Variants in VRK2 observed in about 807,000 individuals in gnomAD.
VRK2 encodes serine/threonine-protein kinase VRK2.
Under a neutral mutation model 57.6 loss-of-function variants are expected in VRK2, and 60 were observed. The ratio of observed to expected loss-of-function variants is 1.04; its 90% CI spans 0.85 to 1.29. The LOEUF (loss-of-function observed/expected upper bound fraction) is 1.29, where lower values mean the gene tolerates loss of function less well. Among genes scored for constraint, VRK2 ranks in the 50% most tolerant of loss-of-function variants. The pLI is 0.00. For synonymous variants in VRK2, 231 were observed against 199.2 expected (o/e 1.16, Z -1.35); for missense variants, 705 against 588.1 (o/e 1.20, Z -2.06).
At chr2:58,058,377 A>G (rs1471073778) in intron 2 of VRK2, 2 of 470,640 alleles carry the variant, frequency 4.2e-6, no homozygotes, top group Non-Finnish European at 8.8e-6. Context: ...TTCTCTCTCC[A>G]ATGCTTAGTG....
At chr2:58,041,962 C>T (rs1674475028), upstream of VRK2, among the ~76,000 whole-genome samples, 1 of 152,016 alleles carries the variant, frequency 6.6e-6, no homozygotes, top group African/African-American at 2.4e-5. Context: ...AACCAATGTA[C>T]ATTTTACAAG....
intron 12 of VRK2, among the ~76,000 whole-genome samples, chr2:58,157,526 C>T (rs575957094): frequency 6.6e-6 from 1 of 152,264 alleles, no homozygotes; most frequent in Non-Finnish European, 1.5e-5. Flanking sequence ...GGCTGAGAAC[C>T]AATGCTCTAT....
chr2:58,060,972 T>G (rs1271814588), intron 2 of VRK2, among the ~76,000 whole-genome samples: 1 of 151,888 alleles, frequency 6.6e-6, no homozygotes, highest in Non-Finnish European at 1.5e-5. Context: ...CTTAATAGAT[T>G]ATCGCTAAAA....
intron 7 of VRK2, among the ~76,000 whole-genome samples, chr2:58,113,558 A>G (rs1037899449): frequency 9.2e-5 from 14 of 151,996 alleles, no homozygotes; most frequent in African/African-American, 1.4e-4. Context: ...TAGGGGTGGG[A>G]CCGTTTTATA....
chr2:58,020,174 G>T (rs1673707181), intron 1 of VRK2, among the ~76,000 whole-genome samples: 1 of 152,162 alleles, frequency 6.6e-6, no homozygotes, highest in African/African-American at 2.4e-5. Context: ...AAAACAAAAG[G>T]ATAGTTTATT....
chr2:58,058,525 A>T (rs373980869), intron 2 of VRK2: 2 of 395,734 alleles, frequency 5.1e-6, no homozygotes. Flanking sequence ...TCTTAGACAT[A>T]ATGTTACCAA....
intron 1 of VRK2, chr2:58,047,137 A>G (rs1417526721): frequency 2.8e-6 from 1 of 352,412 alleles, no homozygotes. Flanking sequence ...AAGTGGGTGG[A>G]GTTTCTCTTT....
chr2:58,086,537 CA>C, intron 5 of VRK2, 111 bp downstream of exon 5: 2 of 886,422 alleles, frequency 2.3e-6, no homozygotes, highest in Non-Finnish European at 3.4e-6. Flanking sequence ...CATATAACCA[CA>C]AACTTGTATT....
intron 12 of VRK2, among the ~76,000 whole-genome samples, chr2:58,152,993 AACC>A (rs539966823): frequency 1.4e-4 from 21 of 152,114 alleles, no homozygotes; most frequent in South Asian, 6.2e-4. Flanking sequence ...TGTATGGAGT[AACC>A]ACCACAATTA....
At chr2:57,983,308 C>A (rs1329892909) in intron 1 of VRK2, among the ~76,000 whole-genome samples, 1 of 152,140 alleles carries the variant, frequency 6.6e-6, no homozygotes. Flanking sequence ...GTCCTCTGAC[C>A]ATAGCCAGGA....
At chr2:58,154,013 T>C (rs1397389655) in intron 12 of VRK2, among the ~76,000 whole-genome samples, 2 of 152,078 alleles carry the variant, frequency 1.3e-5, no homozygotes, top group African/African-American at 4.8e-5. Flanking sequence ...TCATCTTGAG[T>C]TAGTTTTGGT....
At chr2:57,958,440 T>C (rs1164996084) in intron 1 of VRK2, among the ~76,000 whole-genome samples, 9 of 142,322 alleles carry the variant, frequency 6.3e-5, no homozygotes, top group African/African-American at 2.4e-4. Context: ...TATACATGTA[T>C]ATATATTTGT....
intron 7 of VRK2, among the ~76,000 whole-genome samples, chr2:58,094,681 G>GT (rs1172770509): frequency 1.3e-5 from 2 of 152,012 alleles, no homozygotes; most frequent in African/African-American, 4.8e-5. Context: ...ATTCATTACA[G>GT]TTTATTATAA....
chr2:58,029,796 A>T (rs1040212534), intron 2 of VRK2, among the ~76,000 whole-genome samples: 1 of 152,112 alleles, frequency 6.6e-6, no homozygotes. Flanking sequence ...TACCTTGAGT[A>T]TCTAGATGAA....
chr2:57,984,867 T>A (rs1340704319), intron 1 of VRK2, among the ~76,000 whole-genome samples: 1 of 152,072 alleles, frequency 6.6e-6, no homozygotes, highest in African/African-American at 2.4e-5. Context: ...AATAAGCATT[T>A]AAAATTCAAT....
chr2:57,925,845 T>C (rs1011941167), intron 1 of VRK2, among the ~76,000 whole-genome samples: 11 of 151,922 alleles, frequency 7.2e-5, no homozygotes, highest in Non-Finnish European at 1.3e-4. Flanking sequence ...GTTTTTGGCT[T>C]TCTTGATATA....
At chr2:58,139,867 C>G (rs767299798) in intron 11 of VRK2, 35 bp downstream of exon 11, 1 of 1,538,140 alleles carries the variant, frequency 6.5e-7, no homozygotes, top group Admixed American at 1.9e-5. Context: ...CTATGATTAC[C>G]TTCTATGATA....
chr2:57,930,536 C>G (rs754824375), intron 1 of VRK2, among the ~76,000 whole-genome samples: 3 of 152,158 alleles, frequency 2.0e-5, no homozygotes, highest in Non-Finnish European at 4.4e-5. Flanking sequence ...ACTTTGATTG[C>G]TTGCTTGGTT....
chr2:57,921,455 T>C (rs1319691197), intron 1 of VRK2, among the ~76,000 whole-genome samples: 2 of 151,746 alleles, frequency 1.3e-5, no homozygotes, highest in Admixed American at 6.6e-5. Context: ...CTCCTGGGGA[T>C]TGTCTGACAA....
Sources: gnomAD v4.1 joint callset for allele counts (sites outside exome capture counted in the v4.1 genomes callset) on GRCh38, gnomAD v4.1.1 for gene constraint, MANE v1.5 for transcripts, NCBI Gene and HGNC (gene_info 2026-07-23, HGNC 2026-07-21) for gene names.